The following PDK1 variants were observed in gnomAD, a reference collection of about 807,000 sequenced individuals.
PDK1 encodes the protein [Pyruvate dehydrogenase (acetyl-transferring)] kinase isozyme 1, mitochondrial.
Under a neutral mutation model 54.2 loss-of-function variants are expected in PDK1, and 39 were observed. The ratio of observed to expected loss-of-function variants is 0.72; its 90% CI spans 0.56 to 0.94. The LOEUF is 0.94. Among genes scored for constraint, PDK1 ranks in the 40% least tolerant of loss-of-function variants. The pLI is 0.00. For missense variants in PDK1, 552 were observed against 566.0 expected (o/e 0.98, Z 0.25); for synonymous variants, 221 against 207.1 (o/e 1.07, Z -0.58).
At chr2:172,708,666 G>C in the PDK1 span, among the ~76,000 whole-genome samples, 1 of 152,318 alleles carries the variant, frequency 6.6e-6, no homozygotes, top group African/African-American at 2.4e-5. Flanking sequence ...TTGGACTTCA[G>C]ATTTTTTTGA....
chr2:172,571,957 G>T (rs942341016), intron 8 of PDK1, among the ~76,000 whole-genome samples: 1 of 147,076 alleles, frequency 6.8e-6, no homozygotes, highest in South Asian at 2.2e-4. Flanking sequence ...TCAGCCTCCC[G>T]AGTAGCTGGG....
the PDK1 span, among the ~76,000 whole-genome samples, chr2:172,696,172 C>CAAA: frequency 9.0e-5 from 11 of 121,874 alleles, 1 homozygote; most frequent in Middle Eastern, 8.3e-3. Context: ...AACTCTGTCT[C>CAAA]AAAAAAAAAA....
the PDK1 span, among the ~76,000 whole-genome samples, chr2:172,622,834 TATG>T: frequency 2.0e-4 from 30 of 146,996 alleles, no homozygotes; most frequent in Non-Finnish European, 2.4e-4. Context: ...TTATATGTAA[TATG>T]ATATATGTTT....
the PDK1 span, among the ~76,000 whole-genome samples, chr2:172,664,154 A>G: frequency 6.6e-6 from 1 of 151,656 alleles, no homozygotes; most frequent in Non-Finnish European, 1.5e-5. Context: ...TCTGCTAAAA[A>G]CACAAAATTA....
the PDK1 span, among the ~76,000 whole-genome samples, chr2:172,644,477 G>T: frequency 7.4e-4 from 113 of 152,268 alleles, no homozygotes; most frequent in Admixed American, 1.5e-3. Flanking sequence ...TTACAGGGTG[G>T]TTGTGAGGAT....
Position 172,595,180 on chromosome 2 carries a change from C to G in PDK1, c.1171-649C>G, listed in dbSNP as rs192892237. Among the ~76,000 whole-genome samples, 381 of 152,218 alleles carry G rather than the reference C, an allele frequency of 2.5e-3. 2 individuals are homozygous for G. Among genetic ancestry groups the G allele is most frequent in the African/African-American group, 7.5e-3 (311 of 41,520 alleles). ...AACCCCTGGGCTTCAAGTGATCCTCCTCTCTCAGTCTCCCAAGTAGTTAGG... is the reference window on the plus strand; with the variant it reads ...AACCCCTGGGCTTCAAGTGATCCTCGTCTCTCAGTCTCCCAAGTAGTTAGG... On this transcript the variant is annotated intron_variant, in intron 10 of 10. Transcript: ENST00000282077.
intron 2 of PDK1, among the ~76,000 whole-genome samples, chr2:172,559,945 C>G (rs1268754134): frequency 2.0e-5 from 3 of 152,190 alleles, no homozygotes; most frequent in African/African-American, 7.2e-5. Context: ...CTCCCTGGCT[C>G]AGGTGATCCT....
rs574733630 is a variant in PDK1, at chr2:172,607,457, G to A, written c.*11488G>A. 1 of 152,332 alleles carries A rather than the reference G, an allele frequency of 6.6e-6. No individual in the cohort carries two copies. The highest frequency in any genetic ancestry group is 2.1e-4 in the South Asian group (1 of 4,822). The allele number at this position is 152,332 out of a possible 1,614,324, so 9.4% of individuals were successfully genotyped here. On this transcript the variant is annotated 3_prime_UTR_variant, in exon 11 of 11. Transcript: ENST00000282077. ...GGATGATGGCTTCAACATGTCTCCA[G>A]TTGTTTTGCCACTCCAGGGCCTGAC...
At chr2:172,592,375 CT>C (rs1219437623) in intron 9 of PDK1, among the ~76,000 whole-genome samples, 1 of 151,952 alleles carries the variant, frequency 6.6e-6, no homozygotes, top group East Asian at 1.9e-4. Context: ...CTTTTTGTGT[CT>C]CTCTTTCTCT....
the PDK1 span, among the ~76,000 whole-genome samples, chr2:172,683,206 G>A: frequency 6.6e-6 from 1 of 152,032 alleles, no homozygotes; most frequent in Non-Finnish European, 1.5e-5. Context: ...AATTAGCCAG[G>A]CGTGGTGGCA....
chr2:172,673,630 AC>A, the PDK1 span, among the ~76,000 whole-genome samples: 1 of 152,190 alleles, frequency 6.6e-6, no homozygotes, highest in Non-Finnish European at 1.5e-5. Flanking sequence ...CTACTGTAAC[AC>A]AGGTACCAAA....
intron 9 of PDK1, among the ~76,000 whole-genome samples, chr2:172,587,545 C>T (rs900887127): frequency 3.9e-5 from 6 of 152,026 alleles, no homozygotes; most frequent in African/African-American, 1.4e-4. Context: ...GTGAGTGTTA[C>T]AGCTCATAAA....
At chr2:172,683,652 G>A in the PDK1 span, among the ~76,000 whole-genome samples, 2 of 152,212 alleles carry the variant, frequency 1.3e-5, no homozygotes, top group African/African-American at 2.4e-5. Flanking sequence ...AGTGAGTAAT[G>A]CATGGATTAT....
In PDK1 at chr2:172,562,257, G is replaced by T. The variant is rs1688692797; in HGVS notation, c.376G>T (p.Asp126Tyr). 1 of 1,602,844 alleles carries T rather than the reference G, an allele frequency of 6.2e-7. No individual in the cohort carries two copies. Among genetic ancestry groups the T allele is most frequent in the Non-Finnish European group, 8.5e-7 (1 of 1,170,022 alleles). ...QSLQELLDFK[D>Y]KSAEDAKAIY... ...TCTTCAGGAGCTTCTTGATTTTAAG[G>T]ACAAAAGTGCTGAGGATGCTAAAGC... Residue 126 changes from aspartate (D) to tyrosine (Y), a missense_variant, in exon 3 of 11, where the codon GAC becomes TAC. Coordinates refer to ENST00000282077, the MANE Select transcript of PDK1 (RefSeq NM_002610.5).
chr2:172,559,497 A>G (rs1360166939), intron 2 of PDK1, among the ~76,000 whole-genome samples: 5 of 152,020 alleles, frequency 3.3e-5, no homozygotes, highest in Admixed American at 2.0e-4. Context: ...CCCTTCAACA[A>G]CCTTGCACAG....
chr2:172,646,320 A>G, the PDK1 span, among the ~76,000 whole-genome samples: 1 of 152,206 alleles, frequency 6.6e-6, no homozygotes. Context: ...GCTAGAAATG[A>G]AAAAGGAAAT....
chr2:172,700,435 C>T, the PDK1 span, among the ~76,000 whole-genome samples: 2 of 151,384 alleles, frequency 1.3e-5, no homozygotes, highest in African/African-American at 4.9e-5. Context: ...CTCCCCACAT[C>T]CCAGACGATG....
intron 8 of PDK1, among the ~76,000 whole-genome samples, chr2:172,576,815 G>A (rs1346715348): frequency 2.0e-5 from 3 of 152,024 alleles, no homozygotes; most frequent in East Asian, 3.8e-4. Flanking sequence ...TGTTGTGATT[G>A]GAAACATACT....
downstream of PDK1, among the ~76,000 whole-genome samples, chr2:172,610,102 G>A (rs1558968847): frequency 6.6e-6 from 1 of 152,102 alleles, no homozygotes; most frequent in Non-Finnish European, 1.5e-5. Flanking sequence ...GATTACAGGC[G>A]TGAGCCTCTG....
Sources: allele counts gnomAD v4.1 joint callset (sites outside exome capture counted in the v4.1 genomes callset), GRCh38; gene constraint gnomAD v4.1.1; transcripts MANE v1.5; gene names NCBI Gene and HGNC (gene_info 2026-07-23, HGNC 2026-07-21).